NTRK2: variants seen among roughly 807,000 people sequenced by gnomAD.
The protein encoded by NTRK2 is BDNF/NT-3 growth factors receptor.
In NTRK2, 13 loss-of-function variants were observed where a neutral mutation model predicts 94.5. That is an observed-to-expected ratio of 0.14 (90% CI 0.09 to 0.22). The LOEUF (loss-of-function observed/expected upper bound fraction) is 0.22, where lower values mean the gene tolerates loss of function less well. Among genes scored for constraint, NTRK2 ranks in the 10% least tolerant of loss-of-function variants. The pLI, the probability that NTRK2 is intolerant of heterozygous loss-of-function variation, is 1.00. For missense variants in NTRK2, 639 were observed against 1,071.2 expected (o/e 0.60, Z 5.63); for synonymous variants, 372 against 407.4 (o/e 0.91, Z 1.05).
chr9:84,745,997 C>T (rs1485530251), intron 11 of NTRK2, among the ~76,000 whole-genome samples: 1 of 152,086 alleles, frequency 6.6e-6, no homozygotes, highest in Admixed American at 6.5e-5. Context: ...GCACACAGAG[C>T]TTCCTGTGAG....
At chr9:84,805,459 C>T (rs73474425) in intron 12 of NTRK2, among the ~76,000 whole-genome samples, 4,562 of 152,286 alleles carry the variant, frequency 0.03, 143 homozygotes, top group African/African-American at 0.076. Flanking sequence ...TGTGTGTCCA[C>T]GTGTCTAACT....
chr9:84,977,779 G>A (rs1354808086), intron 17 of NTRK2, among the ~76,000 whole-genome samples: 1 of 152,150 alleles, frequency 6.6e-6, no homozygotes, highest in Admixed American at 6.5e-5. Flanking sequence ...TGGCAACCAG[G>A]TATCAAGAAA....
At chr9:84,802,931 G>C (rs2133413183) in intron 12 of NTRK2, among the ~76,000 whole-genome samples, 1 of 152,292 alleles carries the variant, frequency 6.6e-6, no homozygotes, top group African/African-American at 2.4e-5. Flanking sequence ...TCAGGGATCT[G>C]CCCTTATAAA....
In NTRK2 at chr9:85,025,328, C is replaced by T. The variant is rs1304381777; in HGVS notation, c.*3891C>T. The T allele has an allele frequency of 1.7e-5, 4 of 233,146 alleles. No homozygotes were observed. The highest frequency in any genetic ancestry group is 3.4e-5 in the Non-Finnish European group (4 of 118,018). 14.4% of individuals were successfully genotyped at this position (233,146 alleles called of 1,614,324 possible). A position where few individuals can be genotyped will look rare whatever the true frequency, so the allele number is the denominator to read the frequency against. Reference sequence around the variant, plus strand: ...CACATTTGTATTATGCTCACCTTGTCTCTGTCTCACTGTGACCCCTTTACA... The same window carrying T: ...CACATTTGTATTATGCTCACCTTGTTTCTGTCTCACTGTGACCCCTTTACA... On this transcript the variant is annotated 3_prime_UTR_variant, in exon 19 of 19. Coordinates refer to ENST00000277120, the MANE Select transcript of NTRK2 (RefSeq NM_006180.6).
At chr9:84,710,288 C>T (rs2061350683) in intron 5 of NTRK2, among the ~76,000 whole-genome samples, 1 of 152,184 alleles carries the variant, frequency 6.6e-6, no homozygotes, top group Admixed American at 6.5e-5. Flanking sequence ...TGTTGGCATC[C>T]TTTTAATAAC....
chr9:84,861,924 A>G (rs1291328777), intron 13 of NTRK2, among the ~76,000 whole-genome samples: 2 of 152,090 alleles, frequency 1.3e-5, no homozygotes, highest in African/African-American at 4.8e-5. Context: ...ATTCCAAACC[A>G]TCCACCCTAT....
At chr9:84,872,139 G>T in intron 14 of NTRK2, 1 of 1,263,466 alleles carries the variant, frequency 7.9e-7, no homozygotes, top group Non-Finnish European at 1.0e-6. Flanking sequence ...CAACTAGCTC[G>T]TTTAGACGTG....
chr9:84,867,959 C>T (rs1196673001), intron 14 of NTRK2, among the ~76,000 whole-genome samples: 1 of 152,188 alleles, frequency 6.6e-6, no homozygotes, highest in Non-Finnish European at 1.5e-5. Context: ...AGCAAAGAGA[C>T]ATGGCAGCAG....
chr9:84,856,211 G>A (rs2075055139), intron 12 of NTRK2, among the ~76,000 whole-genome samples: 1 of 152,168 alleles, frequency 6.6e-6, no homozygotes. Context: ...AGTTGGTCAG[G>A]AGGATACAAT....
chr9:84,912,475 A>G (rs1036254087), intron 14 of NTRK2, among the ~76,000 whole-genome samples: 2 of 148,362 alleles, frequency 1.3e-5, no homozygotes, highest in African/African-American at 4.9e-5. Context: ...TTTTATCATT[A>G]TTTCATATCC....
chr9:84,690,620 G>A (rs1046516764), intron 2 of NTRK2, among the ~76,000 whole-genome samples: 7 of 152,024 alleles, frequency 4.6e-5, no homozygotes, highest in Admixed American at 2.6e-4. Flanking sequence ...TTGGGAGGCC[G>A]AGGCAGGAGA....
intron 12 of NTRK2, among the ~76,000 whole-genome samples, chr9:84,854,270 C>G (rs954265129): frequency 1.3e-5 from 2 of 152,082 alleles, no homozygotes; most frequent in East Asian, 3.9e-4. Context: ...CATTTGAACT[C>G]CAGTTGTCCA....
At position 84,707,891 on chromosome 9, in the gene NTRK2, G is replaced by C; in HGVS notation, c.407G>C (p.Arg136Pro). The C allele has an allele frequency of 1.2e-6, 2 of 1,612,408 alleles. No individual in the cohort carries two copies. The highest frequency in any genetic ancestry group is 1.7e-6 in the Non-Finnish European group (2 of 1,178,982). The change falls in exon 5 of 19, where the codon CGT becomes CCT. Residue 136 changes from arginine (R) to proline (P), a missense_variant. Coordinates refer to ENST00000277120, the MANE Select transcript of NTRK2 (RefSeq NM_006180.6). ...ACGAGTTTGTCTAGGAAACATTTCC[G>C]TCACCTTGACTTGTCTGAACTGTAA... ...KLTSLSRKHF[R>P]HLDLSELILV...
chr9:85,007,445 G>A (rs191820987), intron 17 of NTRK2, among the ~76,000 whole-genome samples: 431 of 152,270 alleles, frequency 2.8e-3, no homozygotes, highest in Non-Finnish European at 3.3e-3. Flanking sequence ...TTTATCCTAA[G>A]GGCAATGGGA....
At chr9:84,670,341 C>T (rs1361921400) in intron 1 of NTRK2, 36 bp from the exon 2 acceptor site, 1 of 328,128 alleles carries the variant, frequency 3.0e-6, no homozygotes, top group Non-Finnish European at 5.6e-6. Flanking sequence ...GTTGGGGGTC[C>T]TACGCTCAGT....
intron 14 of NTRK2, among the ~76,000 whole-genome samples, chr9:84,870,822 T>C (rs760382378): frequency 3.3e-5 from 5 of 152,198 alleles, no homozygotes; most frequent in Admixed American, 2.0e-4. Context: ...CAACAGAGAC[T>C]TGAGCCAAAA....
chr9:84,818,317 C>T (rs1419679225), intron 12 of NTRK2, among the ~76,000 whole-genome samples: 1 of 152,178 alleles, frequency 6.6e-6, no homozygotes, highest in Non-Finnish European at 1.5e-5. Flanking sequence ...GTGTCTAGGG[C>T]ACAATTTGAA....
intron 12 of NTRK2, chr9:84,814,862 G>C (rs750074615): frequency 2.0e-5 from 21 of 1,063,008 alleles, no homozygotes; most frequent in Non-Finnish European, 1.7e-5. Flanking sequence ...GCGCAGCTTA[G>C]CTGACTTGAC....
chr9:84,996,909 C>T (rs1564535531), intron 17 of NTRK2, among the ~76,000 whole-genome samples: 5 of 152,214 alleles, frequency 3.3e-5, no homozygotes. Context: ...AACTAACTTA[C>T]TTCCTTTCTG....
Sources: allele counts gnomAD v4.1 joint callset (sites outside exome capture counted in the v4.1 genomes callset), GRCh38; gene constraint gnomAD v4.1.1; transcripts MANE v1.5; gene names NCBI Gene and HGNC (gene_info 2026-07-23, HGNC 2026-07-21).